The following SRL variants were observed in gnomAD, a reference collection of about 807,000 sequenced individuals.
SRL encodes the protein sarcalumenin.
A neutral mutation model predicts 39.5 loss-of-function variants in SRL; 23 were observed. The ratio of observed to expected loss-of-function variants is 0.58; its 90% CI spans 0.42 to 0.82. The LOEUF (loss-of-function observed/expected upper bound fraction) is 0.82. Among genes scored for constraint, SRL ranks in the 40% least tolerant of loss-of-function variants. The probability of loss-of-function intolerance (pLI) is 0.00; values close to 1 mark genes in which losing one functional copy is unlikely to be tolerated. For synonymous variants in SRL, 272 were observed against 237.4 expected, an observed-to-expected ratio of 1.15 and a Z score of -1.34; for missense variants, 592 against 607.8, an observed-to-expected ratio of 0.97 and a Z score of 0.27.
chr16:4,194,665 C>A (rs1227854202), intron 5 of SRL, among the ~76,000 whole-genome samples: 1 of 152,158 alleles, frequency 6.6e-6, no homozygotes, highest in African/African-American at 2.4e-5. Flanking sequence ...TTGAACCTCT[C>A]AGAGCTGCTT....
intron 1 of SRL, among the ~76,000 whole-genome samples, chr16:4,228,897 G>A (rs1013515371): frequency 6.6e-6 from 1 of 152,048 alleles, no homozygotes; most frequent in Non-Finnish European, 1.5e-5. Flanking sequence ...CCAGACTCTG[G>A]GTTTGGGACC....
chr16:4,193,062 G>T, intron 5 of SRL, 98 bp from the exon 6 acceptor site: 2 of 1,055,022 alleles, frequency 1.9e-6, no homozygotes, highest in East Asian at 2.5e-5. Flanking sequence ...TTGAAAGAAG[G>T]AACAGCGCTA....
In SRL at chr16:4,223,905, G is replaced by A. The variant is rs549283912; in HGVS notation, c.61+18102C>T. Among the ~76,000 whole-genome samples, 9 of 152,260 alleles carry A rather than the reference G, an allele frequency of 5.9e-5. No homozygotes were observed. In the South Asian group the frequency reaches 6.2e-4, roughly 11 times the overall value. On this transcript the variant is annotated intron_variant, in intron 1 of 5. Coordinates refer to ENST00000399609, the MANE Select transcript of SRL (RefSeq NM_001098814.2). Reference sequence around the variant, plus strand: ...ACGATCCACTTCCAGGGCCACAGGCGGCCAACAAAAGCTGATGTCCATCAG... The same window carrying A: ...ACGATCCACTTCCAGGGCCACAGGCAGCCAACAAAAGCTGATGTCCATCAG...
At chr16:4,203,101 G>A in intron 3 of SRL, 65 bp downstream of exon 3, 1 of 1,406,802 alleles carries the variant, frequency 7.1e-7, no homozygotes. Flanking sequence ...TCAGCAGTGT[G>A]GCCCCGCCGA....
At chr16:4,226,440 T>C (rs957409184) in intron 1 of SRL, among the ~76,000 whole-genome samples, 3 of 149,458 alleles carry the variant, frequency 2.0e-5, no homozygotes, top group African/African-American at 7.4e-5. Flanking sequence ...GATGGGTGGA[T>C]GGATGAATGG....
intron 1 of SRL, among the ~76,000 whole-genome samples, chr16:4,233,828 T>C (rs10492749): frequency 0.05 from 7,625 of 152,126 alleles, 636 homozygotes; most frequent in African/African-American, 0.17. Flanking sequence ...CATACCCTCA[T>C]GCTTCTATTT....
intron 1 of SRL, among the ~76,000 whole-genome samples, chr16:4,205,110 C>G (rs1002410689): frequency 6.6e-6 from 1 of 151,976 alleles, no homozygotes; most frequent in African/African-American, 2.4e-5. Context: ...ATCACTGGAG[C>G]CCAAAAGTTG....
intron 1 of SRL, among the ~76,000 whole-genome samples, chr16:4,227,116 T>A (rs114426815): frequency 6.8e-6 from 1 of 147,486 alleles, no homozygotes; most frequent in Non-Finnish European, 1.5e-5. Context: ...AATGGGTGGA[T>A]TGATGAATGG....
chr16:4,197,568 C>T (rs994461729), intron 4 of SRL, among the ~76,000 whole-genome samples: 1 of 151,600 alleles, frequency 6.6e-6, no homozygotes, highest in Non-Finnish European at 1.5e-5. Flanking sequence ...ATTACAGGAA[C>T]GTGTCACCAT....
At chr16:4,193,707 G>A in intron 5 of SRL, among the ~76,000 whole-genome samples, 1 of 152,006 alleles carries the variant, frequency 6.6e-6, no homozygotes, top group East Asian at 1.9e-4. Flanking sequence ...AGCTGGTGCA[G>A]AATACATTTT....
intron 1 of SRL, among the ~76,000 whole-genome samples, chr16:4,236,402 C>A (rs1374105784): frequency 6.6e-6 from 1 of 152,128 alleles, no homozygotes; most frequent in Non-Finnish European, 1.5e-5. Context: ...TTCTGAAATT[C>A]ATTTATCTTC....
intron 1 of SRL, among the ~76,000 whole-genome samples, chr16:4,222,172 C>G (rs1338213357): frequency 3.3e-5 from 5 of 152,236 alleles, no homozygotes; most frequent in Non-Finnish European, 5.9e-5. Context: ...TCCCAGCTCA[C>G]ATTTCAGATC....
At chr16:4,229,603 G>A (rs891006246) in intron 1 of SRL, among the ~76,000 whole-genome samples, 2 of 151,862 alleles carry the variant, frequency 1.3e-5, no homozygotes, top group African/African-American at 2.4e-5. Context: ...CATAAAGAGG[G>A]GAACAATAGA....
chr16:4,192,668 G>A lies in SRL; in HGVS notation c.907C>T (p.His303Tyr). 6.2e-7 allele frequency: 1 copy of A among 1,614,132 alleles called. No individual in the cohort carries two copies. Among genetic ancestry groups the A allele is most frequent in the Non-Finnish European group, 8.5e-7 (1 of 1,180,038 alleles). The part of the protein sequence containing the change: ...FWPQEYKPDT[H>Y]QELFLQEEIS... Reference sequence around the variant, plus strand: ...TCTTCTTGGAGGAACAGTTCCTGATGGGTGTCCGGCTTATACTCTTGTGGC... The same window carrying A: ...TCTTCTTGGAGGAACAGTTCCTGATAGGTGTCCGGCTTATACTCTTGTGGC... The change falls in exon 6 of 6, where the codon CAT becomes TAT. Residue 303 changes from histidine (H) to tyrosine (Y), a missense_variant. Coordinates refer to ENST00000399609, the MANE Select transcript of SRL (RefSeq NM_001098814.2). This position sits in a 1 kb window ranked among gnomAD's most constrained non-coding sequence, Gnocchi z 4.0.
At chr16:4,222,538 T>C (rs893056017) in intron 1 of SRL, among the ~76,000 whole-genome samples, 2 of 152,148 alleles carry the variant, frequency 1.3e-5, no homozygotes, top group Non-Finnish European at 1.5e-5. Context: ...CCTCCCAAAG[T>C]GCTTAGATTA....
chr16:4,225,647 C>A (rs1402004190), intron 1 of SRL, among the ~76,000 whole-genome samples: 5 of 151,952 alleles, frequency 3.3e-5, no homozygotes, highest in Non-Finnish European at 7.4e-5. Flanking sequence ...TAAAATATAC[C>A]CTCAATCCAA....
intron 1 of SRL, among the ~76,000 whole-genome samples, chr16:4,227,361 CTGGGTGGAAGGA>C (rs2052605063): frequency 2.1e-5 from 3 of 141,130 alleles, no homozygotes; most frequent in Admixed American, 1.4e-4. Flanking sequence ...GGGTGAATGG[CTGGGTGGAAGGA>C]TGGGTGGATG....
At chr16:4,212,713 C>T (rs773799070) in intron 1 of SRL, among the ~76,000 whole-genome samples, 1 of 152,146 alleles carries the variant, frequency 6.6e-6, no homozygotes, top group Non-Finnish European at 1.5e-5. Flanking sequence ...GCCCAGAGAC[C>T]ATGGGAAGGC....
intron 1 of SRL, among the ~76,000 whole-genome samples, chr16:4,237,981 C>T (rs1395478258): frequency 6.6e-6 from 1 of 152,144 alleles, no homozygotes; most frequent in African/African-American, 2.4e-5. Flanking sequence ...CGCCTCCTCT[C>T]CCCTACTGGA....
Sources: allele counts gnomAD v4.1 joint callset (sites outside exome capture counted in the v4.1 genomes callset), GRCh38; gene constraint gnomAD v4.1.1; non-coding constraint Gnocchi (gnomAD v3.1); transcripts MANE v1.5; gene names NCBI Gene and HGNC (gene_info 2026-07-23, HGNC 2026-07-21).